The following PRKCA variants were observed in gnomAD, a reference collection of about 807,000 sequenced individuals.
The protein encoded by PRKCA is protein kinase C alpha type.
In PRKCA, 27 loss-of-function variants were observed where a neutral mutation model predicts 87.0. That is an observed-to-expected ratio of 0.31 (90% CI 0.23 to 0.43). The LOEUF is 0.43. PRKCA is among the 20% of genes least tolerant of loss of function. PRKCA has a pLI of 1.00. For synonymous variants in PRKCA, 329 were observed against 311.1 expected (o/e 1.06, Z -0.61); for missense variants, 518 against 852.3 (o/e 0.61, Z 4.88).
chr17:66,485,586 T>G (rs1398938631), intron 2 of PRKCA, among the ~76,000 whole-genome samples: 1 of 152,148 alleles, frequency 6.6e-6, no homozygotes, highest in African/African-American at 2.4e-5. Context: ...TGCCTGCCAT[T>G]TGGGAGAAGA....
intron 2 of PRKCA, among the ~76,000 whole-genome samples, chr17:66,388,963 T>G (rs1484656466): frequency 3.3e-5 from 5 of 152,064 alleles, no homozygotes; most frequent in African/African-American, 1.2e-4. Context: ...CATAGAGATG[T>G]GGAAGGAAAA....
At chr17:66,467,912 C>T (rs1365871849) in intron 2 of PRKCA, among the ~76,000 whole-genome samples, 1 of 151,920 alleles carries the variant, frequency 6.6e-6, no homozygotes, top group African/African-American at 2.4e-5. Context: ...CAACAGAAAA[C>T]TTTTCATGGC....
At chr17:66,466,303 G>A (rs1915085773) in intron 2 of PRKCA, among the ~76,000 whole-genome samples, 1 of 152,168 alleles carries the variant, frequency 6.6e-6, no homozygotes, top group Admixed American at 6.5e-5. Context: ...AATGGGAACT[G>A]AGCTGGGGGA....
chr17:66,493,522 CTTTG>C (rs1032566277), intron 2 of PRKCA, among the ~76,000 whole-genome samples: 2 of 151,972 alleles, frequency 1.3e-5, no homozygotes, highest in Non-Finnish European at 1.5e-5. Flanking sequence ...AAAGACCATC[CTTTG>C]TTTGTTGGTT....
At chr17:66,561,237 A>G (rs1483410775) in intron 3 of PRKCA, among the ~76,000 whole-genome samples, 2 of 152,246 alleles carry the variant, frequency 1.3e-5, no homozygotes, top group African/African-American at 4.8e-5. Context: ...AATTAATGAA[A>G]GATCTTGTGT....
intron 3 of PRKCA, among the ~76,000 whole-genome samples, chr17:66,637,590 G>A (rs2143778551): frequency 6.6e-6 from 1 of 152,236 alleles, no homozygotes; most frequent in South Asian, 2.1e-4. Context: ...CTCACACCCT[G>A]AGAGAAACAT....
intron 2 of PRKCA, among the ~76,000 whole-genome samples, chr17:66,411,242 C>CTT (rs11296687): frequency 1.3e-3 from 173 of 136,946 alleles, no homozygotes; most frequent in South Asian, 3.9e-3. Flanking sequence ...CAACATCTGG[C>CTT]TTTTTTTTTT....
chr17:66,706,364 G>C (rs557965343), intron 8 of PRKCA, among the ~76,000 whole-genome samples: 1 of 152,122 alleles, frequency 6.6e-6, no homozygotes, highest in African/African-American at 2.4e-5. Context: ...GGCTGGGTGC[G>C]GTGGCTCACG....
At chr17:66,720,059 G>A (rs777202965) in intron 8 of PRKCA, among the ~76,000 whole-genome samples, 1 of 152,236 alleles carries the variant, frequency 6.6e-6, no homozygotes, top group African/African-American at 2.4e-5. Flanking sequence ...CGAGCCGTGC[G>A]TGCTCATCCC....
intron 2 of PRKCA, among the ~76,000 whole-genome samples, chr17:66,317,310 A>G (rs138377480): frequency 2.5e-3 from 374 of 152,320 alleles, no homozygotes; most frequent in African/African-American, 8.8e-3. Flanking sequence ...AGGAAAGGAA[A>G]GGGGTGCTGC....
In PRKCA at chr17:66,641,703, G is replaced by A. The variant is rs139133450; in HGVS notation, c.400+237G>A. Among the ~76,000 whole-genome samples, 4 of 151,604 alleles carry A rather than the reference G, an allele frequency of 2.6e-5. No homozygotes were observed. The East Asian group carries it at 5.8e-4, about 22-fold the overall frequency. On this transcript the variant is annotated intron_variant, in intron 4 of 16. Coordinates refer to ENST00000413366, the MANE Select transcript of PRKCA (RefSeq NM_002737.3). Reference sequence around the variant, plus strand: ...AAGCACTCGATTTATAAATGAGGTTGGTGGGTGCTGTCACTTTTTTTTTTT... The same window carrying A: ...AAGCACTCGATTTATAAATGAGGTTAGTGGGTGCTGTCACTTTTTTTTTTT...
intron 3 of PRKCA, among the ~76,000 whole-genome samples, chr17:66,602,731 C>A (rs1225424563): frequency 6.6e-6 from 1 of 152,062 alleles, no homozygotes; most frequent in Admixed American, 6.6e-5. Flanking sequence ...TCAGGTTTCA[C>A]GGGTGGCCTT....
intron 3 of PRKCA, among the ~76,000 whole-genome samples, chr17:66,520,554 C>T (rs1406840593): frequency 6.6e-6 from 1 of 152,204 alleles, no homozygotes; most frequent in African/African-American, 2.4e-5. Context: ...TGAGCCACTT[C>T]AAAGAACAGA....
intron 14 of PRKCA, chr17:66,777,069 C>A: frequency 4.0e-6 from 1 of 248,804 alleles, no homozygotes; most frequent in Non-Finnish European, 6.4e-6. Flanking sequence ...ACTGCCTTTC[C>A]TTGGTGCTGG....
intron 3 of PRKCA, among the ~76,000 whole-genome samples, chr17:66,519,091 G>A (rs1418274095): frequency 6.6e-6 from 1 of 152,078 alleles, no homozygotes; most frequent in Non-Finnish European, 1.5e-5. Flanking sequence ...GGAGGCAATG[G>A]GCTCATGCTA....
chr17:66,409,241 C>T (rs979468391), intron 2 of PRKCA, among the ~76,000 whole-genome samples: 4 of 151,860 alleles, frequency 2.6e-5, no homozygotes, highest in African/African-American at 4.8e-5. Flanking sequence ...CTTAGGGGTT[C>T]GTTCTCCCTT....
chr17:66,403,039 G>A (rs183915574), intron 2 of PRKCA, among the ~76,000 whole-genome samples: 19 of 152,186 alleles, frequency 1.2e-4, no homozygotes, highest in African/African-American at 3.6e-4. Flanking sequence ...TTATTATCAC[G>A]GTTTGAGCTG....
intron 2 of PRKCA, among the ~76,000 whole-genome samples, chr17:66,353,583 G>A (rs1273589530): frequency 1.3e-5 from 2 of 152,104 alleles, no homozygotes; most frequent in African/African-American, 4.8e-5. Context: ...GGGTGTGGTG[G>A]CCTGCTCCTG....
At chr17:66,572,037 G>A (rs1485978871) in intron 3 of PRKCA, among the ~76,000 whole-genome samples, 3 of 152,214 alleles carry the variant, frequency 2.0e-5, no homozygotes, top group Admixed American at 1.3e-4. Context: ...GCTGATAGAG[G>A]TGGGATTCAG....
Sources: gnomAD v4.1 joint callset for allele counts (sites outside exome capture counted in the v4.1 genomes callset) on GRCh38, gnomAD v4.1.1 for gene constraint, MANE v1.5 for transcripts, NCBI Gene and HGNC (gene_info 2026-07-23, HGNC 2026-07-21) for gene names.